FYCO1: variants seen among roughly 807,000 people sequenced by gnomAD.
FYCO1 encodes the protein FYVE and coiled-coil domain-containing protein 1.
Under a neutral mutation model 165.1 loss-of-function variants are expected in FYCO1, and 122 were observed. The ratio of observed to expected loss-of-function variants is 0.74; its 90% CI spans 0.64 to 0.86. The LOEUF is 0.86. Ranked by LOEUF, FYCO1 falls within the 40% of genes least tolerant of loss-of-function variation. The pLI is 0.00. For missense variants in FYCO1, 1,702 were observed against 1,810.3 expected (o/e 0.94, Z 1.09); for synonymous variants, 648 against 742.5 (o/e 0.87, Z 2.07).
chr3:45,958,703 T>A, intron 12 of FYCO1, 84 bp from the exon 13 acceptor site: 3 of 1,351,830 alleles, frequency 2.2e-6, no homozygotes, highest in Non-Finnish European at 3.2e-6. Context: ...GGGCTCTGGA[T>A]GCCATGTGAC....
Position 45,931,189 on chromosome 3 carries a change from G to A in FYCO1, c.4133C>T (p.Pro1378Leu), listed in dbSNP as rs1169883817. Residue 1378 changes from proline (P) to leucine (L), a missense_variant, in exon 16 of 18, where the codon CCC becomes CTC. By Grantham distance (98) the Pro-to-Leu change is moderately conservative (BLOSUM62 -3). Coordinates refer to ENST00000296137, the MANE Select transcript of FYCO1 (RefSeq NM_024513.4). ...GAGGCCTGCCTCGGCCACAGTGATG[G>A]GGATCAGGCTGTAGGTGCTGGACCT... ...FVRSSTYSLI[P>L]ITVAEAGLTI... is the part of the protein sequence containing the mutation. The A allele has an allele frequency of 6.2e-7, 1 of 1,614,100 alleles. No individual in the cohort carries two copies. Among genetic ancestry groups the A allele is most frequent in the Non-Finnish European group, 8.5e-7 (1 of 1,179,962 alleles).
chr3:45,929,113 C>T (rs1197919503), intron 16 of FYCO1, among the ~76,000 whole-genome samples: 1 of 152,232 alleles, frequency 6.6e-6, no homozygotes, highest in East Asian at 1.9e-4. Context: ...AACAGGCTAC[C>T]CTGGCCATGG....
Position 45,968,231 on chromosome 3 carries a change from A to G in FYCO1, c.1103T>C (p.Phe368Ser). Residue 368 changes from phenylalanine (F) to serine (S), a missense_variant, in exon 8 of 18, where the codon TTC (phenylalanine) becomes TCC (serine). Coordinates refer to ENST00000296137, the MANE Select transcript of FYCO1 (RefSeq NM_024513.4). ...LDKKNQHLAS[F>S]PGWLAMAQQK... is the part of the protein sequence containing the mutation. ...CTGAGCCATGGCTAGCCAGCCTGGG[A>G]AGCTGGCTAAATGCTGGTTTTTCTT... The G allele has an allele frequency of 6.2e-7, 1 of 1,613,938 alleles. No homozygotes were observed. Among genetic ancestry groups the G allele is most frequent in the South Asian group, 1.1e-5 (1 of 91,076 alleles).
rs1703054564 is a variant in FYCO1, at chr3:45,920,515, G to A, written c.*1250C>T. On this transcript the variant is annotated 3_prime_UTR_variant, in exon 18 of 18. Transcript: ENST00000296137. Reference sequence around the variant, plus strand: ...GAACAAGGGACGAAGAGCTGTCCAAGGTGAGCTATCTGTTGTTGGGGAAGA... The same window carrying A: ...GAACAAGGGACGAAGAGCTGTCCAAAGTGAGCTATCTGTTGTTGGGGAAGA... 2 of 152,226 alleles carry A rather than the reference G, an allele frequency of 1.3e-5. No individual in the cohort carries two copies. 9.4% of individuals were successfully genotyped at this position (152,226 alleles called of 1,614,324 possible).
chr3:45,951,410 C>T (rs894238356), intron 14 of FYCO1, among the ~76,000 whole-genome samples: 1 of 152,192 alleles, frequency 6.6e-6, no homozygotes, highest in Admixed American at 6.5e-5. Context: ...GGTTCTGGAG[C>T]TCAAGCTCTT....
Position 45,968,798 on chromosome 3 carries a change from T to C in FYCO1, c.631-95A>G, listed in dbSNP as rs142273794. 6.9e-4 allele frequency: 977 copies of C among 1,413,604 alleles called. 15 individuals carry two copies. In the African/African-American group the frequency reaches 0.012, roughly 18 times the overall value. The allele number at this position is 1,413,604 out of a possible 1,614,324, so 87.6% of individuals were successfully genotyped here. The stretch of plus-strand genomic sequence containing the variant: ...AGTTTAATGAGAGCAGAGGTAAAAA[T>C]ACAGGCATTACCTGCCCTAAGGTTA... On this transcript the variant is annotated intron_variant, in intron 7 of 17. Transcript: ENST00000296137.
chr3:45,964,317 T>A lies in FYCO1; in HGVS notation c.3269+19A>T. ...TCCCTGAAGACTACCGACAGCTACG[T>A]AGGTGGACTGTGACTAACCTTTCTA... On this transcript the variant is annotated intron_variant, in intron 10 of 17. Transcript: ENST00000296137. This position sits in a 1 kb window ranked among gnomAD's most constrained non-coding sequence, Gnocchi z 4.1. The A allele has an allele frequency of 6.4e-7, 1 of 1,564,554 alleles. No homozygotes were observed. The highest frequency in any genetic ancestry group is 8.8e-7 in the Non-Finnish European group (1 of 1,134,730).
In FYCO1 at chr3:45,964,642, G is replaced by C. The variant is rs1309031598; in HGVS notation, c.3151-188C>G. Reference sequence around the variant, plus strand: ...TGGGGCCTCAACTGCAACTAGTTGTGGTGGTTGGCAAGTGGCAGGTACCAG... The same window carrying C: ...TGGGGCCTCAACTGCAACTAGTTGTCGTGGTTGGCAAGTGGCAGGTACCAG... On this transcript the variant is annotated intron_variant, in intron 9 of 17. Transcript: ENST00000296137. This position sits in a 1 kb window ranked among gnomAD's most constrained non-coding sequence, Gnocchi z 4.1. The C allele has an allele frequency of 1.2e-5, 9 of 776,806 alleles. No homozygotes were observed. The highest frequency in any genetic ancestry group is 1.4e-5 in the Non-Finnish European group (9 of 639,446). 48.1% of individuals were successfully genotyped at this position (776,806 alleles called of 1,614,324 possible). A position where few individuals can be genotyped will look rare whatever the true frequency, so the allele number is the denominator to read the frequency against.
chr3:45,978,816 G>A (rs1423369600), intron 4 of FYCO1, among the ~76,000 whole-genome samples: 1 of 151,860 alleles, frequency 6.6e-6, no homozygotes, highest in African/African-American at 2.4e-5. Context: ...AGGAGAGTGT[G>A]AGTGTGTATG....
At position 45,968,310 on chromosome 3, in the gene FYCO1, A is replaced by G. The variant is rs555788246; in HGVS notation, c.1024T>C (p.Ser342Pro). The change falls in exon 8 of 18, where the codon TCC becomes CCC. Residue 342 changes from serine (S) to proline (P), a missense_variant. Physicochemically the swap from Ser to Pro is moderately conservative, Grantham distance 74 (BLOSUM62 -1). Coordinates refer to ENST00000296137, the MANE Select transcript of FYCO1 (RefSeq NM_024513.4). ...DYHTALRRLE[S>P]MLQPLAQELE... ...TCCTGTGCCAAGGGCTGCAGCATGG[A>G]CTCCAGCCGCCGCAGGGCTGTGTGG... The G allele has an allele frequency of 5.6e-6, 9 of 1,613,198 alleles. No individual in the cohort carries two copies. In the South Asian group the frequency reaches 9.9e-5, roughly 18 times the overall value.
rs1703585469 is a variant in FYCO1, at chr3:45,931,085, G to A, written c.4237C>T (p.Leu1413=). The change falls in exon 16 of 18, where the codon CTG becomes TTG. Residue 1413 remains leucine, a synonymous_variant. Transcript: ENST00000296137. The part of the protein sequence containing the change: ...VVFQEAEDTP[L]DQCKVLIPTT... ...CCCAGCCTTACCTTACACTGATCCA[G>A]CGGTGTGTCCTCGGCCTCCTGGAAG... 6.2e-7 allele frequency: 1 copy of A among 1,613,564 alleles called. No individual in the cohort carries two copies. Among genetic ancestry groups the A allele is most frequent in the African/African-American group, 1.3e-5 (1 of 75,020 alleles).
At chr3:45,969,617 C>T in intron 7 of FYCO1, 58 bp downstream of exon 7, 1 of 1,388,700 alleles carries the variant, frequency 7.2e-7, no homozygotes, top group Non-Finnish European at 1.0e-6. Flanking sequence ...TTGCTAGGGG[C>T]AAGGACATAC....
chr3:45,935,759 TG>T (rs1233165225), intron 15 of FYCO1, among the ~76,000 whole-genome samples: 2 of 152,238 alleles, frequency 1.3e-5, no homozygotes, highest in Non-Finnish European at 2.9e-5. Context: ...CAACCCCTGC[TG>T]GAATATAAGC....
In FYCO1 at chr3:45,966,442, C is replaced by T. The variant is rs1156678786; in HGVS notation, c.2892G>A (p.Lys964=). The change falls in exon 8 of 18, where the codon AAG becomes AAA. Residue 964 remains lysine (K), a synonymous_variant. Coordinates refer to ENST00000296137, the MANE Select transcript of FYCO1 (RefSeq NM_024513.4). ...LQQEKESLQE[K]LKAAKAAAGS... Reference sequence around the variant, plus strand: ...CGGCTGCTGCCTTGGCCGCCTTCAGCTTCTCCTGCAAGCTCTCCTTCTCTT... The same window carrying T: ...CGGCTGCTGCCTTGGCCGCCTTCAGTTTCTCCTGCAAGCTCTCCTTCTCTT... The T allele has an allele frequency of 6.2e-7, 1 of 1,612,472 alleles. No individual in the cohort carries two copies. The highest frequency in any genetic ancestry group is 1.7e-5 in the Admixed American group (1 of 59,956).
At chr3:45,947,166 T>A (rs1418788281) in intron 14 of FYCO1, 1 of 1,614,178 alleles carries the variant, frequency 6.2e-7, no homozygotes. Flanking sequence ...GAAGCACAGA[T>A]CTCTAAAGAT....
chr3:45,933,520 T>C (rs750040847), intron 15 of FYCO1, among the ~76,000 whole-genome samples: 3 of 152,168 alleles, frequency 2.0e-5, no homozygotes, highest in Non-Finnish European at 4.4e-5. Context: ...TTCCTTTACT[T>C]GAGGGTAGGT....
At chr3:45,960,218 T>G (rs1368858649) in intron 11 of FYCO1, among the ~76,000 whole-genome samples, 1 of 152,142 alleles carries the variant, frequency 6.6e-6, no homozygotes, top group East Asian at 1.9e-4. Context: ...GCTTGATGGT[T>G]TCTGACATGT....
chr3:45,954,869 C>A (rs1045087576), intron 14 of FYCO1, among the ~76,000 whole-genome samples: 1 of 152,164 alleles, frequency 6.6e-6, no homozygotes, highest in African/African-American at 2.4e-5. Context: ...TGCAGGAAAC[C>A]AGCCCTGCCA....
intron 15 of FYCO1, among the ~76,000 whole-genome samples, chr3:45,935,645 C>T (rs1703850482): frequency 6.6e-6 from 1 of 152,230 alleles, no homozygotes; most frequent in African/African-American, 2.4e-5. Context: ...ATGGCAAATT[C>T]CCCTTCCCTG....
Sources: allele counts gnomAD v4.1 joint callset (sites outside exome capture counted in the v4.1 genomes callset), GRCh38; gene constraint gnomAD v4.1.1; non-coding constraint Gnocchi (gnomAD v3.1); transcripts MANE v1.5; gene names NCBI Gene and HGNC (gene_info 2026-07-23, HGNC 2026-07-21).